EIF4H: variants seen among roughly 807,000 people sequenced by gnomAD.
The protein encoded by EIF4H is eukaryotic translation initiation factor 4H, also known as Williams-Beuren syndrome chromosome region 1.
EIF4H carries 8 observed loss-of-function variants against 30.6 expected under a neutral mutation model. That is an observed-to-expected ratio of 0.26 (90% CI 0.15 to 0.47). The LOEUF is 0.47. EIF4H is among the 20% of genes least tolerant of loss of function. The pLI, the probability that EIF4H is intolerant of heterozygous loss-of-function variation, is 0.99. For synonymous variants in EIF4H, 106 were observed against 122.7 expected (o/e 0.86, Z 0.90); for missense variants, 188 against 339.5 (o/e 0.55, Z 3.51).
intron 1 of EIF4H, among the ~76,000 whole-genome samples, chr7:74,182,379 T>C (rs927415385): frequency 7.2e-5 from 11 of 152,314 alleles, no homozygotes; most frequent in Admixed American, 3.3e-4. Context: ...TTTGTAGATA[T>C]GGGGTTTTGC....
intron 2 of EIF4H, 54 bp from the exon 3 acceptor site, chr7:74,189,619 A>C: frequency 5.6e-6 from 9 of 1,601,874 alleles, no homozygotes; most frequent in Non-Finnish European, 7.7e-6. Context: ...GGATCTTCCC[A>C]CATCTTTAAC....
Position 74,175,954 on chromosome 7 carries a change from A to G in EIF4H, c.59+1512A>G, listed in dbSNP as rs550926902. Among the ~76,000 whole-genome samples, 9 of 152,308 alleles carry G rather than the reference A, an allele frequency of 5.9e-5. No homozygotes were observed. The South Asian group carries it at 8.3e-4, about 14-fold the overall frequency. The stretch of plus-strand genomic sequence containing the variant: ...CAGGAACAATCAGAAGTAAAATTCT[A>G]TTAAGATGCTATTAATTTCAAATCT... On this transcript the variant is annotated intron_variant, in intron 1 of 6. Transcript: ENST00000265753.
At chr7:74,195,057 C>T in intron 6 of EIF4H, 112 bp from the exon 7 acceptor site, 1 of 1,538,032 alleles carries the variant, frequency 6.5e-7, no homozygotes, top group South Asian at 1.3e-5. Flanking sequence ...GGTAGCAGGC[C>T]AGGTGAATTT....
At chr7:74,179,138 T>C (rs1800902765) in intron 1 of EIF4H, among the ~76,000 whole-genome samples, 1 of 152,220 alleles carries the variant, frequency 6.6e-6, no homozygotes, top group South Asian at 2.1e-4. Context: ...ACTCTTGGAA[T>C]GTGTTGCTTT....
intron 4 of EIF4H, 94 bp downstream of exon 4, chr7:74,190,012 CAT>C: frequency 1.4e-6 from 2 of 1,412,328 alleles, no homozygotes; most frequent in African/African-American, 1.4e-5. Context: ...TCGATTATCT[CAT>C]AGGTGTGATA....
chr7:74,190,389 G>A (rs146138258), intron 5 of EIF4H, 83 bp downstream of exon 5: 5 of 1,363,348 alleles, frequency 3.7e-6, no homozygotes, highest in African/African-American at 2.9e-5. Flanking sequence ...AGCCCGCCTG[G>A]CCGGACTACT....
At chr7:74,188,601 G>A (rs1175087265) in intron 2 of EIF4H, among the ~76,000 whole-genome samples, 1 of 152,168 alleles carries the variant, frequency 6.6e-6, no homozygotes, top group Non-Finnish European at 1.5e-5. Context: ...CATGTAGTGT[G>A]TAATCAAACA....
At chr7:74,180,516 G>A (rs1563948389) in intron 1 of EIF4H, among the ~76,000 whole-genome samples, 2 of 152,240 alleles carry the variant, frequency 1.3e-5, no homozygotes, top group Non-Finnish European at 2.9e-5. Context: ...GGGAAAGCAT[G>A]AGTAATGTAG....
chr7:74,184,970 T>A (rs1801049673), intron 1 of EIF4H, among the ~76,000 whole-genome samples: 1 of 152,092 alleles, frequency 6.6e-6, no homozygotes, highest in Non-Finnish European at 1.5e-5. Context: ...TATGAGCCAC[T>A]GTGCCCCGCC....
chr7:74,183,680 C>T (rs1418620448), intron 1 of EIF4H: 1 of 152,156 alleles, frequency 6.6e-6, no homozygotes, highest in Non-Finnish European at 1.5e-5. Context: ...GACATTTTAG[C>T]TCAGAGTTTT....
rs1480122623 is a variant in EIF4H at position 74,189,749 on chromosome 7, C to CGGGTTTT, written c.312+13_312+19dup. The CGGGTTTT allele has an allele frequency of 6.2e-7, 1 of 1,614,080 alleles. No homozygotes were observed. Among genetic ancestry groups the CGGGTTTT allele is most frequent in the African/African-American group, 1.3e-5 (1 of 74,936 alleles). On this transcript the variant is annotated intron_variant, in intron 3 of 6. Transcript: ENST00000265753. ...CATACGATGGTGCAGTAAGTATCCTCGGGTTTTCTCTGTCATAGCAGTTGA... is the reference window on the plus strand; with the variant it reads ...CATACGATGGTGCAGTAAGTATCCTCGGGTTTTGGGTTTTCTCTGTCATAGCAGTTGA...
In EIF4H at chr7:74,196,911, A is replaced by G. The variant is rs1424088272; in HGVS notation, c.*1603A>G. On this transcript the variant is annotated 3_prime_UTR_variant, in exon 7 of 7. Transcript: ENST00000265753. ...CGATGCTTTCAGATGACCTACTTACATCTTCAATGTGGATAAGATAAAGAA... is the reference window on the plus strand; with the variant it reads ...CGATGCTTTCAGATGACCTACTTACGTCTTCAATGTGGATAAGATAAAGAA... 2.6e-5 allele frequency: 4 copies of G among 152,626 alleles called. No homozygotes were observed. 9.5% of individuals were successfully genotyped at this position (152,626 alleles called of 1,614,324 possible).
rs1554709368 is a variant in EIF4H, at chr7:74,187,634, A to G, written c.83A>G (p.His28Arg). The G allele has an allele frequency of 6.2e-7, 1 of 1,608,682 alleles. No homozygotes were observed. Among genetic ancestry groups the G allele is most frequent in the East Asian group, 2.2e-5 (1 of 44,732 alleles). Residue 28 changes from histidine to arginine, a missense_variant, in exon 2 of 7, where the codon CAT (histidine) becomes CGT (arginine). Physicochemically the swap from His to Arg is conservative, Grantham distance 29. This residue lies in a region of EIF4H where 52 missense variants were observed against 143.9 expected (regional missense o/e 0.36). Coordinates refer to ENST00000265753, the MANE Select transcript of EIF4H (RefSeq NM_022170.2). Reference protein sequence around the residue: ...GRGSRGSAGGHGSRSQKELPT... With the variant: ...GRGSRGSAGGRGSRSQKELPT... The stretch of plus-strand genomic sequence containing the variant: ...AGGTCCCGCGGCAGTGCTGGTGGCC[A>G]TGGTTCCCGTAGCCAGAAGGAGTTG...
At position 74,187,592 on chromosome 7, in the gene EIF4H, T is replaced by C; in HGVS notation, c.60-19T>C. On this transcript the variant is annotated intron_variant, in intron 1 of 6. Coordinates refer to ENST00000265753, the MANE Select transcript of EIF4H (RefSeq NM_022170.2). ...TTCCACTCTGGGCACACTTGAATCC[T>C]GTTTGTCTCCCCTCCTAGGTCCCGC... 6.5e-7 allele frequency: 1 copy of C among 1,548,920 alleles called. No individual in the cohort carries two copies. Among genetic ancestry groups the C allele is most frequent in the Non-Finnish European group, 8.7e-7 (1 of 1,143,724 alleles).
intron 2 of EIF4H, among the ~76,000 whole-genome samples, chr7:74,188,004 G>A (rs1554709435): frequency 6.6e-6 from 1 of 152,218 alleles, no homozygotes; most frequent in Admixed American, 6.5e-5. Flanking sequence ...TGTACACAGT[G>A]TAGTTCATAG....
At position 74,197,023 on chromosome 7, in the gene EIF4H, T is replaced by C. The variant is rs1430660557; in HGVS notation, c.*1715T>C. 1.3e-5 allele frequency: 2 copies of C among 152,542 alleles called. No individual in the cohort carries two copies. Among genetic ancestry groups the C allele is most frequent in the Non-Finnish European group, 2.9e-5 (2 of 68,030 alleles). 9.4% of individuals were successfully genotyped at this position (152,542 alleles called of 1,614,324 possible). A position where few individuals can be genotyped will look rare whatever the true frequency, so the allele number is the denominator to read the frequency against. ...TCCAAACACTTAACACATTCAGCTA[T>C]ATGACAGAAAGTAAATCTATGGATA... On this transcript the variant is annotated 3_prime_UTR_variant, in exon 7 of 7. Transcript: ENST00000265753.
intron 5 of EIF4H, 70 bp downstream of exon 5, chr7:74,190,376 A>G: frequency 6.7e-7 from 1 of 1,489,156 alleles, no homozygotes; most frequent in Non-Finnish European, 9.4e-7. Context: ...GTTTCTTACG[A>G]GTAGCCCGCC....
intron 1 of EIF4H, among the ~76,000 whole-genome samples, chr7:74,178,265 T>C (rs150879): frequency 0.98 from 149,103 of 152,282 alleles, 72,991 homozygotes; most frequent in Admixed American, 0.99. Context: ...AATTAAGCTT[T>C]GTGGCTGGGT....
At chr7:74,186,779 C>T (rs1233781455) in intron 1 of EIF4H, among the ~76,000 whole-genome samples, 1 of 117,782 alleles carries the variant, frequency 8.5e-6, no homozygotes, top group Non-Finnish European at 1.7e-5. Flanking sequence ...AATCAGGCAA[C>T]AAGGAGAAAT....
Sources: allele counts gnomAD v4.1 joint callset (sites outside exome capture counted in the v4.1 genomes callset), GRCh38; gene constraint gnomAD v4.1.1; regional missense constraint gnomAD v4.1.1; transcripts MANE v1.5; gene names NCBI Gene and HGNC (gene_info 2026-07-23, HGNC 2026-07-21).